OXTR: variants seen among roughly 807,000 people sequenced by gnomAD.
OXTR encodes oxytocin receptor.
OXTR carries 19 observed loss-of-function variants against 23.9 expected under a neutral mutation model. The observed-to-expected ratio is 0.80, with a 90% confidence interval of 0.56 to 1.17. The LOEUF is 1.17. Ranked by LOEUF, OXTR falls within the 50% of genes most tolerant of loss-of-function variation. The pLI, the probability that OXTR is intolerant of heterozygous loss-of-function variation, is 0.00. For synonymous variants in OXTR, 278 were observed against 250.5 expected (o/e 1.11, Z -1.04); for missense variants, 500 against 550.7 (o/e 0.91, Z 0.92).
chr3:8,751,297 T>C lies in OXTR; in HGVS notation c.*1680A>G, dbSNP rs201186431. ...CCAGATACAAGCCCCTTATCATATA[T>C]ATGACTCGCAAATATTTTCTCCCAT... On this transcript the variant is annotated 3_prime_UTR_variant, in exon 4 of 4. Transcript: ENST00000316793. 2 of 152,232 alleles carry C rather than the reference T, an allele frequency of 1.3e-5. No homozygotes were observed. Among genetic ancestry groups the C allele is most frequent in the African/African-American group, 2.4e-5 (1 of 41,466 alleles). 9.4% of individuals were successfully genotyped at this position (152,232 alleles called of 1,614,324 possible). A position where few individuals can be genotyped will look rare whatever the true frequency, so the allele number is the denominator to read the frequency against.
chr3:8,743,845 T>C, the OXTR span, among the ~76,000 whole-genome samples: 1 of 152,358 alleles, frequency 6.6e-6, no homozygotes, highest in South Asian at 2.1e-4. Context: ...CAATCATATC[T>C]TTAGTAATAG....
Position 8,753,196 on chromosome 3 carries a change from C to T in OXTR, c.951G>A (p.Leu317=), listed in dbSNP as rs755234877. Residue 317 remains leucine, a synonymous_variant, in exon 4 of 4, where the codon CTG becomes CTA. Coordinates refer to ENST00000316793, the MANE Select transcript of OXTR (RefSeq NM_000916.4). ...EASAFIIVML[L]ASLNSCCNPW... ...GGTTGCAGCAGCTGTTGAGGCTGGC[C>T]AGGAGCATGACGATGATGAAGGCCG... 6.2e-7 allele frequency: 1 copy of T among 1,613,950 alleles called. No individual in the cohort carries two copies. The highest frequency in any genetic ancestry group is 8.5e-7 in the Non-Finnish European group (1 of 1,180,002).
chr3:8,757,751 G>A (rs1436715935), intron 3 of OXTR, among the ~76,000 whole-genome samples: 4 of 152,168 alleles, frequency 2.6e-5, no homozygotes, highest in Non-Finnish European at 5.9e-5. Flanking sequence ...GCAGAGGAGA[G>A]GCTGTCCACC....
intron 3 of OXTR, among the ~76,000 whole-genome samples, chr3:8,759,648 G>A (rs143591910): frequency 2.0e-5 from 3 of 152,328 alleles, no homozygotes; most frequent in Non-Finnish European, 4.4e-5. Context: ...AATTAAGTTC[G>A]CCCTCAGATA....
In OXTR at chr3:8,767,679, G is replaced by A; in HGVS notation, c.509C>T (p.Pro170Leu). The change falls in exon 3 of 4, where the codon CCG becomes CTG. Residue 170 changes from proline (P) to leucine (L), a missense_variant. Pro to Leu is a moderately conservative substitution (Grantham distance 98). Coordinates refer to ENST00000316793, the MANE Select transcript of OXTR (RefSeq NM_000916.4). ...TWLGCLVASA[P>L]QVHIFSLREV... The stretch of plus-strand genomic sequence containing the variant: ...GCGCAGAGAGAAGATGTGCACCTGC[G>A]GCGCGCTGGCCACCAGGCAGCCGAG... The A allele has an allele frequency of 6.2e-7, 1 of 1,610,738 alleles. No individual in the cohort carries two copies. The highest frequency in any genetic ancestry group is 1.7e-5 in the Admixed American group (1 of 59,812).
chr3:8,762,571 A>G (rs530542368), intron 3 of OXTR, among the ~76,000 whole-genome samples: 12 of 152,138 alleles, frequency 7.9e-5, no homozygotes, highest in Admixed American at 7.8e-4. Context: ...CCGGCCCACC[A>G]TGCTCTCCAC....
At chr3:8,763,743 CA>C (rs1252637120) in intron 3 of OXTR, among the ~76,000 whole-genome samples, 1 of 152,194 alleles carries the variant, frequency 6.6e-6, no homozygotes, top group Non-Finnish European at 1.5e-5. Context: ...TGGATCTCAT[CA>C]AATTACCCAG....
intron 3 of OXTR, 103 bp from the exon 4 acceptor site, chr3:8,753,327 T>C: frequency 7.5e-7 from 1 of 1,337,208 alleles, no homozygotes; most frequent in South Asian, 1.4e-5. Context: ...GCGACAGCCT[T>C]GTCCAAGTAC....
chr3:8,767,805 T>C lies in OXTR; in HGVS notation c.383A>G (p.Tyr128Cys). 6.2e-7 allele frequency: 1 copy of C among 1,610,004 alleles called. No homozygotes were observed. Among genetic ancestry groups the C allele is most frequent in the Non-Finnish European group, 8.5e-7 (1 of 1,178,366 alleles). Reference protein sequence around the residue: ...LQVVGMFASTYLLLLMSLDRC... With the variant: ...LQVVGMFASTCLLLLMSLDRC... Reference sequence around the variant, plus strand: ...GTCCAGGGACATGAGCAGCAGCAGGTAGGTGGAGGCGAACATGCCCACCAC... The same window carrying C: ...GTCCAGGGACATGAGCAGCAGCAGGCAGGTGGAGGCGAACATGCCCACCAC... The change falls in exon 3 of 4, where the codon TAC (tyrosine) becomes TGC (cysteine). Residue 128 changes from tyrosine to cysteine, a missense_variant. Transcript: ENST00000316793.
In OXTR at chr3:8,751,499, G is replaced by A. The variant is rs919587600; in HGVS notation, c.*1478C>T. 1 of 151,948 alleles carries A rather than the reference G, an allele frequency of 6.6e-6. No individual in the cohort carries two copies. Among genetic ancestry groups the A allele is most frequent in the African/African-American group, 2.4e-5 (1 of 41,378 alleles). 9.4% of individuals were successfully genotyped at this position (151,948 alleles called of 1,614,324 possible). A position where few individuals can be genotyped will look rare whatever the true frequency, so the allele number is the denominator to read the frequency against. On this transcript the variant is annotated 3_prime_UTR_variant, in exon 4 of 4. Coordinates refer to ENST00000316793, the MANE Select transcript of OXTR (RefSeq NM_000916.4). ...GATCTATGCCTATGTTTCTTTCTAA[G>A]ATTTTATAGTTTCAGCTCTTATATT...
chr3:8,745,251 G>T, the OXTR span, among the ~76,000 whole-genome samples: 1 of 152,116 alleles, frequency 6.6e-6, no homozygotes, highest in Admixed American at 6.5e-5. This position sits in a 1 kb window ranked among gnomAD's most constrained non-coding sequence, Gnocchi z 4.8. Flanking sequence ...ATGGTTGAAA[G>T]CTCCCTGCGG....
rs1438070181 is a variant in OXTR, at chr3:8,750,702, G to A, written c.*2275C>T. 4.6e-5 allele frequency: 7 copies of A among 152,238 alleles called. No homozygotes were observed. The highest frequency in any genetic ancestry group is 4.6e-4 in the Admixed American group (7 of 15,284). 9.4% of individuals were successfully genotyped at this position (152,238 alleles called of 1,614,324 possible). On this transcript the variant is annotated 3_prime_UTR_variant, in exon 4 of 4. Coordinates refer to ENST00000316793, the MANE Select transcript of OXTR (RefSeq NM_000916.4). Reference sequence around the variant, plus strand: ...TCAAGGCTCATCCATGTTGTGGCATGTGTGAGTACTTCATTTCTTTTTAGA... The same window carrying A: ...TCAAGGCTCATCCATGTTGTGGCATATGTGAGTACTTCATTTCTTTTTAGA...
At chr3:8,759,562 A>G (rs772238699) in intron 3 of OXTR, among the ~76,000 whole-genome samples, 7 of 152,352 alleles carry the variant, frequency 4.6e-5, no homozygotes, top group South Asian at 2.1e-4. Flanking sequence ...AAGGGCTACA[A>G]ATAATTTCCC....
chr3:8,745,700 T>G (rs1232546000), downstream of OXTR: 1 of 1,614,084 alleles, frequency 6.2e-7, no homozygotes, highest in East Asian at 2.2e-5. The surrounding 1 kb of genome is among the most constrained non-coding windows in gnomAD (Gnocchi z 4.8). Flanking sequence ...CTGCATCTCC[T>G]TCTGCCACAT....
chr3:8,756,601 A>T (rs1277599123), intron 3 of OXTR, among the ~76,000 whole-genome samples: 1 of 152,218 alleles, frequency 6.6e-6, no homozygotes, highest in Admixed American at 6.5e-5. Context: ...CACCACTGAC[A>T]GTAAGCAGTG....
chr3:8,753,870 C>T (rs1017166768), intron 3 of OXTR, among the ~76,000 whole-genome samples: 3 of 152,040 alleles, frequency 2.0e-5, no homozygotes, highest in African/African-American at 4.8e-5. Flanking sequence ...AGGTAGGCAC[C>T]GGAAGGGGGT....
intron 3 of OXTR, among the ~76,000 whole-genome samples, chr3:8,761,839 G>C (rs1446036214): frequency 1.3e-5 from 2 of 152,204 alleles, no homozygotes; most frequent in African/African-American, 4.8e-5. Context: ...GCTCAGATGG[G>C]AATGGCAGAG....
At chr3:8,766,614 C>G (rs1171404615) in intron 3 of OXTR, among the ~76,000 whole-genome samples, 1 of 152,154 alleles carries the variant, frequency 6.6e-6, no homozygotes, top group Non-Finnish European at 1.5e-5. Context: ...TTGCAGTACT[C>G]ACCTCTCTGC....
intron 3 of OXTR, among the ~76,000 whole-genome samples, chr3:8,764,632 G>A (rs185619739): frequency 8.5e-5 from 13 of 152,238 alleles, no homozygotes; most frequent in African/African-American, 2.2e-4. Context: ...GTGGACACAC[G>A]GCTGGTGTTC....
Sources: gnomAD v4.1 joint callset for allele counts (sites outside exome capture counted in the v4.1 genomes callset) on GRCh38, gnomAD v4.1.1 for gene constraint, Gnocchi (gnomAD v3.1) non-coding constraint, MANE v1.5 for transcripts, NCBI Gene and HGNC (gene_info 2026-07-23, HGNC 2026-07-21) for gene names.